PJA2: variants seen among roughly 807,000 people sequenced by gnomAD.
The protein encoded by PJA2 is praja ring finger ubiquitin ligase 2.
In PJA2, 25 loss-of-function variants were observed where a neutral mutation model predicts 69.3. That is an observed-to-expected ratio of 0.36 (90% CI 0.26 to 0.50). The LOEUF (loss-of-function observed/expected upper bound fraction) is 0.50. PJA2 is among the 20% of genes least tolerant of loss of function. The pLI, the probability that PJA2 is intolerant of heterozygous loss-of-function variation, is 0.96. For missense variants in PJA2, 809 were observed against 830.2 expected, an observed-to-expected ratio of 0.97 and a Z score of 0.31; for synonymous variants, 308 against 277.8, an observed-to-expected ratio of 1.11 and a Z score of -1.08.
intron 5 of PJA2, among the ~76,000 whole-genome samples, chr5:109,368,060 T>C (rs1466295826): frequency 6.6e-6 from 1 of 152,212 alleles, no homozygotes; most frequent in Non-Finnish European, 1.5e-5. Flanking sequence ...CATGGTATGT[T>C]TGACAACCCT....
intron 1 of PJA2, among the ~76,000 whole-genome samples, chr5:109,402,922 A>G (rs1350803809): frequency 6.6e-6 from 1 of 152,142 alleles, no homozygotes; most frequent in Non-Finnish European, 1.5e-5. Flanking sequence ...CACCTCAGGC[A>G]GTGCTTGGAA....
At chr5:109,385,749 T>C (rs1467213904) in intron 1 of PJA2, among the ~76,000 whole-genome samples, 2 of 152,064 alleles carry the variant, frequency 1.3e-5, no homozygotes, top group African/African-American at 4.8e-5. Flanking sequence ...GAAGCAGAGA[T>C]TGAGTATCCC....
intron 1 of PJA2, among the ~76,000 whole-genome samples, chr5:109,396,000 C>CA (rs368922382): frequency 0.53 from 56,587 of 107,606 alleles, 14,715 homozygotes; most frequent in Middle Eastern, 0.67. Flanking sequence ...AACTCTATCT[C>CA]AAAAAAAAAA....
chr5:109,356,473 A>C (rs560987447), intron 6 of PJA2, among the ~76,000 whole-genome samples: 1 of 152,258 alleles, frequency 6.6e-6, no homozygotes, highest in African/African-American at 2.4e-5. Flanking sequence ...GGGATGCTCA[A>C]CTGGAAGTAT....
At chr5:109,377,145 T>C (rs1280962395) in intron 4 of PJA2, among the ~76,000 whole-genome samples, 1 of 152,174 alleles carries the variant, frequency 6.6e-6, no homozygotes, top group Non-Finnish European at 1.5e-5. Context: ...TTTTCTATAA[T>C]AAATTACACA....
chr5:109,357,301 G>C (rs961007999), intron 6 of PJA2, among the ~76,000 whole-genome samples: 3 of 143,906 alleles, frequency 2.1e-5, no homozygotes, highest in Admixed American at 6.9e-5. Context: ...AAACAACCTA[G>C]CTCAAAAATA....
intron 7 of PJA2, among the ~76,000 whole-genome samples, chr5:109,351,792 G>C (rs948553599): frequency 6.6e-6 from 1 of 151,900 alleles, no homozygotes; most frequent in Non-Finnish European, 1.5e-5. Flanking sequence ...AAAGTTATAG[G>C]GCTGCTTGAG....
intron 1 of PJA2, among the ~76,000 whole-genome samples, chr5:109,388,885 G>T (rs1747222833): frequency 6.6e-6 from 1 of 151,958 alleles, no homozygotes; most frequent in Admixed American, 6.6e-5. Context: ...GAATTCCTTA[G>T]ACACACGGAA....
chr5:109,402,298 G>C (rs1029944260), intron 1 of PJA2, among the ~76,000 whole-genome samples: 18 of 152,232 alleles, frequency 1.2e-4, no homozygotes, highest in Middle Eastern at 3.4e-3. Flanking sequence ...ATTAAAAAAG[G>C]CTGTCTAGAA....
intron 4 of PJA2, among the ~76,000 whole-genome samples, chr5:109,373,309 T>C (rs1381478879): frequency 6.6e-6 from 1 of 152,144 alleles, no homozygotes; most frequent in Non-Finnish European, 1.5e-5. Flanking sequence ...GGAAGCAACC[T>C]GTGAGTAAGG....
At chr5:109,369,869 C>T (rs1762646690) in intron 4 of PJA2, among the ~76,000 whole-genome samples, 1 of 151,976 alleles carries the variant, frequency 6.6e-6, no homozygotes, top group South Asian at 2.1e-4. Flanking sequence ...TCCATCTCTA[C>T]TAAAAATACA....
chr5:109,371,522 T>C (rs1762674476), intron 4 of PJA2, among the ~76,000 whole-genome samples: 1 of 152,162 alleles, frequency 6.6e-6, no homozygotes, highest in Non-Finnish European at 1.5e-5. Context: ...TTTCTCCGTT[T>C]CTCCTAAAAT....
At chr5:109,358,698 G>A (rs1208925207) in intron 6 of PJA2, among the ~76,000 whole-genome samples, 3 of 152,108 alleles carry the variant, frequency 2.0e-5, no homozygotes, top group Admixed American at 6.5e-5. Flanking sequence ...GCTCATGCTT[G>A]TAGTCCCAGC....
At chr5:109,345,410 G>C (rs1762156477) in intron 7 of PJA2, among the ~76,000 whole-genome samples, 2 of 150,994 alleles carry the variant, frequency 1.3e-5, no homozygotes, top group African/African-American at 4.9e-5. Context: ...CCAGCTACTG[G>C]GGAGACTGAG....
chr5:109,378,786 T>A lies in PJA2; in HGVS notation c.701A>T (p.Asp234Val), dbSNP rs769891512. 1.2e-6 allele frequency: 2 copies of A among 1,612,704 alleles called. No individual in the cohort carries two copies. Among genetic ancestry groups the A allele is most frequent in the South Asian group, 1.1e-5 (1 of 91,084 alleles). The change falls in exon 4 of 10, where the codon GAT (aspartate) becomes GTT (valine). Residue 234 changes from aspartate to valine, a missense_variant. Asp to Val is a radical substitution (Grantham distance 152, BLOSUM62 -3). Coordinates refer to ENST00000361189, the MANE Select transcript of PJA2 (RefSeq NM_014819.5). ...AGAACTTTTCACTAATGGTACAGAA[T>A]CTAACTCTTCAAACTCATCTCTTAC... ...CEVRDEFEEL[D>V]SVPLVKSSAG...
In PJA2 at chr5:109,381,595, G is replaced by A. The variant is rs777521870; in HGVS notation, c.140C>T (p.Pro47Leu). 2 of 1,613,958 alleles carry A rather than the reference G, an allele frequency of 1.2e-6. No homozygotes were observed. Among genetic ancestry groups the A allele is most frequent in the Admixed American group, 3.3e-5 (2 of 60,012 alleles). The change falls in exon 3 of 10, where the codon CCA becomes CTA. Residue 47 changes from proline (P) to leucine (L), a missense_variant. Pro to Leu is a moderately conservative substitution (Grantham distance 98). Coordinates refer to ENST00000361189, the MANE Select transcript of PJA2 (RefSeq NM_014819.5). ...GCTTCTTTCATGTCTGGTCATACATGGTTTAAAACTGACATAAGCATGTCT... is the reference window on the plus strand; with the variant it reads ...GCTTCTTTCATGTCTGGTCATACATAGTTTAAAACTGACATAAGCATGTCT... The part of the protein sequence containing the change: ...GRRHAYVSFK[P>L]CMTRHERSLG...
intron 1 of PJA2, among the ~76,000 whole-genome samples, chr5:109,387,635 G>T (rs1582621172): frequency 6.6e-6 from 1 of 152,230 alleles, no homozygotes; most frequent in East Asian, 1.9e-4. Context: ...AGAATTAAAG[G>T]ACTCAATCAA....
At position 109,390,458 on chromosome 5, in the gene PJA2, G is replaced by A. The variant is rs77936672; in HGVS notation, c.-87-6938C>T. Among the ~76,000 whole-genome samples, 1,397 of 151,780 alleles carry A rather than the reference G, an allele frequency of 9.2e-3. 16 individuals are homozygous for A. Among genetic ancestry groups the A allele is most frequent in the African/African-American group, 0.032 (1,345 of 41,402 alleles). On this transcript the variant is annotated intron_variant, in intron 1 of 9. Coordinates refer to ENST00000361189, the MANE Select transcript of PJA2 (RefSeq NM_014819.5). The stretch of plus-strand genomic sequence containing the variant: ...GATTCCATCTTTTCATTTTACCTGT[G>A]CCTTTACTTGTAAAGTGCTTTTCTT...
At chr5:109,406,830 T>A (rs555769349) in intron 1 of PJA2, among the ~76,000 whole-genome samples, 30 of 152,242 alleles carry the variant, frequency 2.0e-4, no homozygotes, top group Non-Finnish European at 3.7e-4. Context: ...AACTAGTAAA[T>A]CAATACCAAG....
Sources: allele counts gnomAD v4.1 joint callset (sites outside exome capture counted in the v4.1 genomes callset), GRCh38; gene constraint gnomAD v4.1.1; transcripts MANE v1.5; gene names NCBI Gene and HGNC (gene_info 2026-07-23, HGNC 2026-07-21).